CNKSR2: variants seen among roughly 807,000 people sequenced by gnomAD.
CNKSR2 encodes the protein CNK homolog protein 2.
CNKSR2 carries 14 observed loss-of-function variants against 84.4 expected under a neutral mutation model. The observed-to-expected ratio is 0.17, with a 90% CI of 0.11 to 0.26. The LOEUF (loss-of-function observed/expected upper bound fraction) is 0.26, where lower values mean the gene tolerates loss of function less well. Among genes scored for constraint, CNKSR2 ranks in the 10% least tolerant of loss-of-function variants. CNKSR2 has a pLI of 1.00. For missense variants in CNKSR2, 485 were observed against 771.2 expected (o/e 0.63, Z 4.40); for synonymous variants, 275 against 277.9 (o/e 0.99, Z 0.10).
chrX:21,426,380 G>A, intron 1 of CNKSR2, 117 bp from the exon 2 acceptor site: 1 of 679,911 alleles, frequency 1.5e-6, no homozygotes. Flanking sequence ...CTAGTTCAGA[G>A]TTAAAATGGA....
rs778636499 is a variant in CNKSR2, at chrX:21,591,014, C to A, written c.1658-8C>A. On this transcript the variant is annotated splice_polypyrimidine_tract_variant and splice_region_variant and intron_variant, in intron 14 of 21. Transcript: ENST00000379510. ...TGACAAAATTGAAAGAGCATTTCCA[C>A]CCTTTAGGTCCTATAGCAGGCAAGA... 6.7e-6 allele frequency: 8 copies of A among 1,192,670 alleles called. No individual in the cohort carries two copies. The Admixed American group carries it at 1.8e-4, about 27-fold the overall frequency.
At chrX:21,574,822 T>C (rs1410259479) in intron 13 of CNKSR2, among the ~76,000 whole-genome samples, 1 of 112,022 alleles carries the variant, frequency 8.9e-6, no homozygotes, top group Non-Finnish European at 1.9e-5. Context: ...AATGCTCTAT[T>C]GATACATCAT....
intron 18 of CNKSR2, among the ~76,000 whole-genome samples, chrX:21,602,725 A>G (rs2092490668): frequency 1.8e-5 from 2 of 111,589 alleles, no homozygotes; most frequent in African/African-American, 6.5e-5. Context: ...TTCTCTGCAG[A>G]GACTATACTT....
intron 1 of CNKSR2, among the ~76,000 whole-genome samples, chrX:21,401,278 A>G (rs2090187641): frequency 9.0e-6 from 1 of 110,987 alleles, no homozygotes; most frequent in Non-Finnish European, 1.9e-5. Context: ...GTAGATAGCA[A>G]CCTTTTGACT....
At chrX:21,450,962 A>G (rs2090919924) in intron 4 of CNKSR2, among the ~76,000 whole-genome samples, 1 of 112,404 alleles carries the variant, frequency 8.9e-6, no homozygotes, top group Non-Finnish European at 1.9e-5. Flanking sequence ...AAAAACTGTG[A>G]AACTCAGTCT....
intron 13 of CNKSR2, among the ~76,000 whole-genome samples, chrX:21,576,303 A>C (rs2092319170): frequency 8.9e-6 from 1 of 112,368 alleles, no homozygotes; most frequent in Admixed American, 9.4e-5. Context: ...TGGAAATTAA[A>C]GAACATACTT....
Position 21,606,891 on chromosome X carries a change from A to G in CNKSR2, c.2145+12A>G, listed in dbSNP as rs777069643. ...CACGACCTCCCTCGGTAAGTTAGCA[A>G]CAAGAACATTACTTATCACCAGATT... On this transcript the variant is annotated intron_variant, in intron 19 of 21. Coordinates refer to ENST00000379510, the MANE Select transcript of CNKSR2 (RefSeq NM_014927.5). The G allele has an allele frequency of 2.1e-6, 2 of 962,564 alleles. No homozygotes were observed. The highest frequency in any genetic ancestry group is 2.2e-5 in the South Asian group (1 of 44,586). 79.3% of individuals were successfully genotyped at this position (962,564 alleles called of 1,213,427 possible). A position where few individuals can be genotyped will look rare whatever the true frequency, so the allele number is the denominator to read the frequency against.
At chrX:21,519,054 G>A (rs1051394607) in intron 9 of CNKSR2, among the ~76,000 whole-genome samples, 2 of 110,777 alleles carry the variant, frequency 1.8e-5, no homozygotes, top group Non-Finnish European at 3.8e-5. Context: ...GAGTATTGGT[G>A]TTAATTAAAT....
intron 5 of CNKSR2, among the ~76,000 whole-genome samples, chrX:21,480,367 G>A (rs2091305055): frequency 8.9e-6 from 1 of 111,902 alleles, no homozygotes; most frequent in Non-Finnish European, 1.9e-5. Flanking sequence ...TAATTATAAT[G>A]AACTGCTTCA....
At chrX:21,569,830 C>T (rs1393085186) in intron 13 of CNKSR2, among the ~76,000 whole-genome samples, 1 of 112,270 alleles carries the variant, frequency 8.9e-6, no homozygotes, top group East Asian at 2.8e-4. Flanking sequence ...CCTTGTACAT[C>T]TCCAACAGAG....
intron 5 of CNKSR2, among the ~76,000 whole-genome samples, chrX:21,475,312 CT>C (rs1484559898): frequency 5.4e-5 from 6 of 111,489 alleles, no homozygotes; most frequent in African/African-American, 2.0e-4. Context: ...CCATAAATAC[CT>C]AATGTATACC....
chrX:21,623,143 T>C (rs1370319853), intron 20 of CNKSR2, among the ~76,000 whole-genome samples: 1 of 111,685 alleles, frequency 9.0e-6, no homozygotes, highest in East Asian at 2.8e-4. Context: ...TGATCAGCCA[T>C]ATTCTTTAGT....
rs184749850 is a variant in CNKSR2, at chrX:21,377,911, G to A, written c.64+2950G>A. ...TGCAATTTTGATGCAATGTATAAAT[G>A]GATTCATTTTGATTGATCAATTTTT... On this transcript the variant is annotated intron_variant, in intron 1 of 21. Transcript: ENST00000379510. Among the ~76,000 whole-genome samples the A allele has an allele frequency of 1.2e-4, 13 of 111,278 alleles. No homozygotes were observed. The East Asian group carries it at 3.4e-3, about 29-fold the overall frequency.
chrX:21,436,489 A>G (rs2090707316), intron 3 of CNKSR2, among the ~76,000 whole-genome samples: 2 of 111,696 alleles, frequency 1.8e-5, no homozygotes, highest in African/African-American at 6.5e-5. Context: ...TTTAAGGAGT[A>G]CAGTCGCTTA....
chrX:21,412,921 A>T (rs781429660), intron 1 of CNKSR2, among the ~76,000 whole-genome samples: 5 of 112,077 alleles, frequency 4.5e-5, no homozygotes, highest in African/African-American at 1.6e-4. Context: ...CATCAAACGT[A>T]CTATCTTAAC....
intron 4 of CNKSR2, among the ~76,000 whole-genome samples, chrX:21,457,871 T>C (rs937753827): frequency 8.9e-6 from 1 of 112,220 alleles, no homozygotes; most frequent in Non-Finnish European, 1.9e-5. Flanking sequence ...TCACTTGATG[T>C]TCATAGGCAG....
In CNKSR2 at chrX:21,426,263, C is replaced by T. The variant is rs539484231; in HGVS notation, c.65-234C>T. 3.4e-4 allele frequency: 115 copies of T among 340,535 alleles called. 1 individual carries two copies. In the South Asian group the frequency reaches 8.1e-3, roughly 24 times the overall value. 28.1% of individuals were successfully genotyped at this position (340,535 alleles called of 1,213,427 possible). A position where few individuals can be genotyped will look rare whatever the true frequency, so the allele number is the denominator to read the frequency against. ...AGAAGAAAGATAAAGATTTCCAGTA[C>T]GTGCTGAGGAAAATTCAACTAGGTA... is the stretch of plus-strand genomic sequence containing the variant. On this transcript the variant is annotated intron_variant, in intron 1 of 21. Coordinates refer to ENST00000379510, the MANE Select transcript of CNKSR2 (RefSeq NM_014927.5).
At chrX:21,641,839 T>A in intron 20 of CNKSR2, 1 of 938,626 alleles carries the variant, frequency 1.1e-6, no homozygotes, top group Non-Finnish European at 1.3e-6. Context: ...CTTTCTACAT[T>A]GGGACTAGCA....
chrX:21,399,550 C>T (rs929268098), intron 1 of CNKSR2, among the ~76,000 whole-genome samples: 3 of 111,438 alleles, frequency 2.7e-5, no homozygotes, highest in Admixed American at 9.6e-5. Context: ...CATGTTGCTA[C>T]GTACTTAGAT....
Sources: gnomAD v4.1 joint callset for allele counts (sites outside exome capture counted in the v4.1 genomes callset) on GRCh38, gnomAD v4.1.1 for gene constraint, MANE v1.5 for transcripts, NCBI Gene and HGNC (gene_info 2026-07-23, HGNC 2026-07-21) for gene names.